The following NBAS variants were observed in gnomAD, a reference collection of about 807,000 sequenced individuals.
The protein encoded by NBAS is NAG/BC035112 fusion.
In NBAS, 219 loss-of-function variants were observed where a neutral mutation model predicts 302.5. That is an observed-to-expected ratio of 0.72 (90% CI 0.65 to 0.81). NBAS has a LOEUF of 0.81. Ranked by LOEUF, NBAS falls within the 30% of genes least tolerant of loss-of-function variation. The pLI, the probability that NBAS is intolerant of heterozygous loss-of-function variation, is 0.00. For synonymous variants in NBAS, 1,118 were observed against 1,021.6 expected (o/e 1.09, Z -1.80); for missense variants, 2,932 against 2,841.6 (o/e 1.03, Z -0.72).
chr2:14,998,425 C>A, the NBAS span, among the ~76,000 whole-genome samples: 1 of 152,160 alleles, frequency 6.6e-6, no homozygotes, highest in African/African-American at 2.4e-5. Context: ...TGGAGACCTG[C>A]AACAAGACCC....
chr2:14,881,443 G>A, the NBAS span, among the ~76,000 whole-genome samples: 1 of 152,120 alleles, frequency 6.6e-6, no homozygotes, highest in Non-Finnish European at 1.5e-5. Context: ...GGGTTCACTA[G>A]AAGTCTAAAC....
chr2:15,292,450 A>C, intron 41 of NBAS, 87 bp downstream of exon 41: 1 of 1,383,424 alleles, frequency 7.2e-7, no homozygotes, highest in Non-Finnish European at 1.0e-6. Flanking sequence ...TAAAACTTCA[A>C]AGGACTGAAA....
chr2:15,277,193 T>G, intron 42 of NBAS, 92 bp from the exon 43 acceptor site: 1 of 1,472,488 alleles, frequency 6.8e-7, no homozygotes, highest in Non-Finnish European at 9.2e-7. Context: ...CTACTTCTTA[T>G]AGCTCCCTTC....
chr2:15,470,187 T>A (rs906803187), intron 16 of NBAS, among the ~76,000 whole-genome samples: 1 of 152,112 alleles, frequency 6.6e-6, no homozygotes, highest in Non-Finnish European at 1.5e-5. Context: ...CCAGTCTAAA[T>A]CATCAACACA....
At chr2:15,046,174 C>A in the NBAS span, among the ~76,000 whole-genome samples, 1 of 152,194 alleles carries the variant, frequency 6.6e-6, no homozygotes, top group Non-Finnish European at 1.5e-5. Flanking sequence ...AAGCCCAGTT[C>A]TTTTTCATTG....
intron 48 of NBAS, among the ~76,000 whole-genome samples, chr2:15,205,515 A>T (rs1666098073): frequency 6.6e-6 from 1 of 152,166 alleles, no homozygotes; most frequent in East Asian, 1.9e-4. Context: ...GTTGCCAGAA[A>T]CATGCTTCAC....
chr2:15,407,072 A>G (rs1572798962), intron 25 of NBAS, among the ~76,000 whole-genome samples: 1 of 152,200 alleles, frequency 6.6e-6, no homozygotes, highest in East Asian at 1.9e-4. Flanking sequence ...ATACATGTGG[A>G]CAAGGTTATT....
At chr2:15,301,464 G>C (rs997427029) in intron 40 of NBAS, among the ~76,000 whole-genome samples, 2 of 152,134 alleles carry the variant, frequency 1.3e-5, no homozygotes, top group African/African-American at 4.8e-5. Flanking sequence ...AGATGTCTGT[G>C]ACCAAAAATG....
At chr2:14,947,815 T>A in the NBAS span, among the ~76,000 whole-genome samples, 1 of 152,106 alleles carries the variant, frequency 6.6e-6, no homozygotes, top group Non-Finnish European at 1.5e-5. Context: ...ATGAGGTTTT[T>A]TTTTAATCAT....
chr2:15,330,449 C>A (rs1672274397), intron 36 of NBAS, 149 bp downstream of exon 36: 1 of 963,312 alleles, frequency 1.0e-6, no homozygotes, highest in South Asian at 1.6e-5. Context: ...AGAGATTACT[C>A]CCTATCTGAT....
chr2:15,345,598 T>G (rs1440354758), intron 35 of NBAS, among the ~76,000 whole-genome samples: 1 of 152,162 alleles, frequency 6.6e-6, no homozygotes, highest in East Asian at 1.9e-4. Flanking sequence ...ATTTATAGAT[T>G]TAATGCTATT....
chr2:14,824,747 G>T, the NBAS span, among the ~76,000 whole-genome samples: 9 of 152,120 alleles, frequency 5.9e-5, no homozygotes, highest in South Asian at 2.1e-4. Flanking sequence ...GAAAGCAGTG[G>T]GAGCTGGAGT....
chr2:14,981,961 C>T, the NBAS span, among the ~76,000 whole-genome samples: 52 of 152,174 alleles, frequency 3.4e-4, 1 homozygote, highest in Non-Finnish European at 1.9e-4. Context: ...GTCTAATTTC[C>T]TCCCCTGGAA....
At chr2:15,160,596 G>A in the NBAS span, among the ~76,000 whole-genome samples, 4 of 132,444 alleles carry the variant, frequency 3.0e-5, no homozygotes, top group Admixed American at 7.5e-5. Flanking sequence ...GGGGGGAGGG[G>A]GGGGGGCAGG....
At chr2:15,478,555 C>T (rs770084897) in intron 12 of NBAS, among the ~76,000 whole-genome samples, 2 of 152,154 alleles carry the variant, frequency 1.3e-5, no homozygotes, top group Non-Finnish European at 2.9e-5. Flanking sequence ...ACAATCAATA[C>T]ATATGAAAGC....
intron 51 of NBAS, among the ~76,000 whole-genome samples, chr2:15,173,096 A>G (rs1009443310): frequency 1.3e-5 from 2 of 152,258 alleles, no homozygotes; most frequent in East Asian, 1.9e-4. Flanking sequence ...AAGGGCTTAT[A>G]TATATCAGAA....
intron 16 of NBAS, among the ~76,000 whole-genome samples, chr2:15,469,465 G>A (rs1679863928): frequency 6.6e-6 from 1 of 152,034 alleles, no homozygotes; most frequent in Non-Finnish European, 1.5e-5. Context: ...AATACCATTT[G>A]ACCCAGCAAT....
rs186091699 is a variant in NBAS, at chr2:15,289,713, T to C, written c.5028-2530A>G. On this transcript the variant is annotated intron_variant, in intron 41 of 51. Transcript: ENST00000281513. ...AAAACTAATGCCATGAAAATGGACA[T>C]GCAGCTGGGCGCGGTGGCTCATGCC... Among the ~76,000 whole-genome samples, 739 of 152,242 alleles carry C rather than the reference T, an allele frequency of 4.9e-3. 2 individuals are homozygous for C. The highest frequency in any genetic ancestry group is 8.5e-3 in the Non-Finnish European group (575 of 68,018).
intron 42 of NBAS, among the ~76,000 whole-genome samples, chr2:15,283,853 C>A (rs1353534986): frequency 6.6e-6 from 1 of 152,146 alleles, no homozygotes; most frequent in African/African-American, 2.4e-5. Context: ...CTTGAAAGTT[C>A]ATCTGACTAC....
Sources: gnomAD v4.1 joint callset for allele counts (sites outside exome capture counted in the v4.1 genomes callset) on GRCh38, gnomAD v4.1.1 for gene constraint, MANE v1.5 for transcripts, NCBI Gene and HGNC (gene_info 2026-07-23, HGNC 2026-07-21) for gene names.